DZIP3: variants seen among roughly 807,000 people sequenced by gnomAD.
The protein encoded by DZIP3 is E3 ubiquitin-protein ligase DZIP3.
In DZIP3, 118 loss-of-function variants were observed where a neutral mutation model predicts 162.0. That is an observed-to-expected ratio of 0.73 (90% confidence interval 0.63 to 0.85). The LOEUF (loss-of-function observed/expected upper bound fraction) is 0.85. Ranked by LOEUF, DZIP3 falls within the 40% of genes least tolerant of loss-of-function variation. The probability of loss-of-function intolerance (pLI) is 0.00; values close to 1 mark genes in which losing one functional copy is unlikely to be tolerated. For missense variants in DZIP3, 1,331 were observed against 1,407.0 expected (o/e 0.95, Z 0.86); for synonymous variants, 438 against 458.6 (o/e 0.96, Z 0.57).
Position 108,646,627 on chromosome 3 carries a change from A to C in DZIP3, c.1770A>C (p.Leu590=). The part of the protein sequence containing the change: ...MLSCYQQGIA[L]QSITGSQRIE... ...CTTTATGTATTATAGGAATTGCTCT[A>C]CAGTCAATAACAGGCAGTCAGCGTA... The change falls in exon 15 of 33, where the codon CTA becomes CTC. Residue 590 remains leucine, a synonymous_variant. Transcript: ENST00000361582. 6.4e-7 allele frequency: 1 copy of C among 1,566,176 alleles called. No homozygotes were observed. Among genetic ancestry groups the C allele is most frequent in the Non-Finnish European group, 8.6e-7 (1 of 1,158,702 alleles).
intron 19 of DZIP3, among the ~76,000 whole-genome samples, chr3:108,658,037 C>G (rs540760715): frequency 8.2e-6 from 1 of 122,380 alleles, no homozygotes; most frequent in Non-Finnish European, 2.0e-5. Flanking sequence ...ACACAATAAT[C>G]ATGGGAGACT....
intron 19 of DZIP3, among the ~76,000 whole-genome samples, chr3:108,660,391 G>T (rs990529954): frequency 6.6e-6 from 1 of 152,130 alleles, no homozygotes; most frequent in African/African-American, 2.4e-5. Context: ...ATTGGGAAAG[G>T]ATTCCCTATT....
intron 10 of DZIP3, among the ~76,000 whole-genome samples, chr3:108,635,869 A>G (rs1005379675): frequency 2.6e-5 from 4 of 151,680 alleles, no homozygotes; most frequent in South Asian, 2.1e-4. Flanking sequence ...CGTTTAAAGC[A>G]ATTGTGGTGT....
intron 23 of DZIP3, 47 bp from the exon 24 acceptor site, chr3:108,674,031 T>C: frequency 2.1e-6 from 3 of 1,399,168 alleles, no homozygotes; most frequent in Non-Finnish European, 3.0e-6. Context: ...AATGTTCCTT[T>C]ACAAGCACAC....
intron 19 of DZIP3, 47 bp downstream of exon 19, chr3:108,654,357 G>A (rs752800690): frequency 6.2e-7 from 1 of 1,603,956 alleles, no homozygotes; most frequent in Non-Finnish European, 8.5e-7. Flanking sequence ...TTGTTATCTG[G>A]TTTTTCCTGT....
chr3:108,692,349 G>A (rs1944730585), intron 32 of DZIP3, among the ~76,000 whole-genome samples: 1 of 151,996 alleles, frequency 6.6e-6, no homozygotes, highest in Non-Finnish European at 1.5e-5. Context: ...GCTTCCCATG[G>A]GCTAAAGAAT....
chr3:108,634,996 A>G, intron 10 of DZIP3, 24 bp downstream of exon 10: 4 of 1,395,262 alleles, frequency 2.9e-6, no homozygotes, highest in Non-Finnish European at 3.0e-6. Flanking sequence ...TCTTAAAACT[A>G]CAACAGCATT....
intron 12 of DZIP3, 114 bp downstream of exon 12, chr3:108,637,662 A>AG (rs1942218060): frequency 4.3e-6 from 3 of 701,356 alleles, no homozygotes; most frequent in Non-Finnish European, 6.7e-6. Flanking sequence ...ATTTTAAGGT[A>AG]TGTGAAAAAA....
intron 18 of DZIP3, among the ~76,000 whole-genome samples, 175 bp from the exon 19 acceptor site, chr3:108,653,970 T>C (rs912003044): frequency 1.1e-4 from 16 of 152,146 alleles, no homozygotes; most frequent in Non-Finnish European, 1.9e-4. Context: ...ATATTCATTA[T>C]GAATCTTCAA....
At chr3:108,674,801 A>G (rs992300550) in intron 24 of DZIP3, among the ~76,000 whole-genome samples, 2 of 151,914 alleles carry the variant, frequency 1.3e-5, no homozygotes, top group African/African-American at 4.8e-5. Context: ...CCAAACTTAA[A>G]GAATTAATTA....
intron 19 of DZIP3, among the ~76,000 whole-genome samples, chr3:108,655,321 T>G (rs1277366736): frequency 6.6e-6 from 1 of 152,152 alleles, no homozygotes; most frequent in African/African-American, 2.4e-5. Context: ...TGATACAGTG[T>G]AATTAAGTGT....
At chr3:108,633,686 C>A (rs1396359526) in intron 9 of DZIP3, among the ~76,000 whole-genome samples, 1 of 144,320 alleles carries the variant, frequency 6.9e-6, no homozygotes, top group Non-Finnish European at 1.5e-5. Flanking sequence ...TGATAGATCT[C>A]TCTCTCTGGA....
intron 4 of DZIP3, among the ~76,000 whole-genome samples, chr3:108,613,101 A>T (rs907982699): frequency 1.3e-5 from 2 of 152,164 alleles, no homozygotes; most frequent in Non-Finnish European, 2.9e-5. Flanking sequence ...TGCATATTAA[A>T]ACAATAAGTA....
At chr3:108,612,379 C>G (rs1218155058) in intron 4 of DZIP3, among the ~76,000 whole-genome samples, 1 of 152,072 alleles carries the variant, frequency 6.6e-6, no homozygotes, top group Non-Finnish European at 1.5e-5. Context: ...TAATTTACCA[C>G]AGTATAAGTG....
intron 7 of DZIP3, among the ~76,000 whole-genome samples, chr3:108,626,608 T>A (rs1303486213): frequency 1.3e-5 from 2 of 152,220 alleles, no homozygotes; most frequent in Non-Finnish European, 2.9e-5. Context: ...CATCATTCAT[T>A]CATTTTATTT....
In DZIP3 at chr3:108,675,856, A is replaced by G; in HGVS notation, c.2764A>G (p.Lys922Glu). 1.2e-6 allele frequency: 2 copies of G among 1,609,948 alleles called. No homozygotes were observed. Among genetic ancestry groups the G allele is most frequent in the Non-Finnish European group, 1.7e-6 (2 of 1,177,824 alleles). The stretch of plus-strand genomic sequence containing the variant: ...TGCCATTGTGGCAGATGTTAGAAAC[A>G]AGATTGCATTCCTCAGGGTAAGTCC... ...WNAIVADVRN[K>E]IAFLRTQYNE... is the part of the protein sequence containing the mutation. The change falls in exon 25 of 33, where the codon AAG becomes GAG. Residue 922 changes from lysine to glutamate, a missense_variant. Lys to Glu is a moderately conservative substitution (Grantham distance 56, BLOSUM62 1). Around this residue, in one of 2 missense-constraint regions of DZIP3, gnomAD observed 1,278 missense variants for 1,317.1 expected, o/e 0.97. Transcript: ENST00000361582.
rs368588651 is a variant in DZIP3, at chr3:108,611,335, G to A, written c.258+6G>A. 19 of 1,609,012 alleles carry A rather than the reference G, an allele frequency of 1.2e-5. No homozygotes were observed. Among genetic ancestry groups the A allele is most frequent in the African/African-American group, 1.1e-4 (8 of 74,646 alleles). On this transcript the variant is annotated splice_donor_region_variant and intron_variant, in intron 4 of 32. Coordinates refer to ENST00000361582, the MANE Select transcript of DZIP3 (RefSeq NM_014648.4). ...TTTCCTTCCAAACTATGCAGGTAAC[G>A]TCATAAGTTGTTATTTGGGGCAGAA...
Position 108,644,297 on chromosome 3 carries a change from T to G in DZIP3, c.1275T>G (p.Leu425=), listed in dbSNP as rs146535652. The change falls in exon 14 of 33, where the codon CTT becomes CTG. Residue 425 remains leucine (L), a synonymous_variant. Transcript: ENST00000361582. ...AMPPPLLKKE[L]LIHKNVLESY... is the part of the protein sequence containing the mutation. ...CACCTCCTCTTTTGAAAAAAGAGCT[T>G]CTTATACACAAGAATGTGCTGGAAT... 26 of 1,613,928 alleles carry G rather than the reference T, an allele frequency of 1.6e-5. No individual in the cohort carries two copies. The Middle Eastern group carries it at 4.9e-4, about 31-fold the overall frequency.
At chr3:108,596,727 C>T (rs74315825) in intron 1 of DZIP3, among the ~76,000 whole-genome samples, 5,433 of 152,224 alleles carry the variant, frequency 0.036, 418 homozygotes, top group East Asian at 0.35. Context: ...TTTTTTAAAG[C>T]AATATTGAGT....
Sources: allele counts gnomAD v4.1 joint callset (sites outside exome capture counted in the v4.1 genomes callset), GRCh38; gene constraint gnomAD v4.1.1; regional missense constraint gnomAD v4.1.1; transcripts MANE v1.5; gene names NCBI Gene and HGNC (gene_info 2026-07-23, HGNC 2026-07-21).